Variants in SLC39A14 observed in about 807,000 individuals in gnomAD.
SLC39A14 encodes the protein solute carrier family 39 member 14, also known as metal cation symporter ZIP14.
Under a neutral mutation model 45.5 loss-of-function variants are expected in SLC39A14, and 19 were observed. The observed-to-expected ratio is 0.42, with a 90% CI of 0.29 to 0.61. The LOEUF (loss-of-function observed/expected upper bound fraction) is 0.61, where lower values mean the gene tolerates loss of function less well. Ranked by LOEUF, SLC39A14 falls within the 20% of genes least tolerant of loss-of-function variation. The pLI, the probability that SLC39A14 is intolerant of heterozygous loss-of-function variation, is 0.22. For missense variants in SLC39A14, 447 were observed against 616.5 expected (o/e 0.73, Z 2.91); for synonymous variants, 264 against 251.3 (o/e 1.05, Z -0.48).
chr8:22,427,720 T>C (rs564541284), downstream of SLC39A14, among the ~76,000 whole-genome samples: 2 of 152,314 alleles, frequency 1.3e-5, no homozygotes, highest in East Asian at 3.9e-4. Flanking sequence ...TCTGCAAATA[T>C]TGTAGGATTC....
intron 3 of SLC39A14, among the ~76,000 whole-genome samples, chr8:22,411,082 CT>C (rs1835540529): frequency 6.6e-6 from 1 of 152,194 alleles, no homozygotes; most frequent in Non-Finnish European, 1.5e-5. Context: ...CTGACAAACA[CT>C]TTGCAGGGGA....
intron 1 of SLC39A14, among the ~76,000 whole-genome samples, chr8:22,396,421 G>A (rs1586690312): frequency 0.038 from 21 of 554 alleles, 1 homozygote; most frequent in African/African-American, 0.068. Flanking sequence ...GAGGGGGGGG[G>A]GAGAGAGAGA....
chr8:22,423,873 G>T (rs1189303362), downstream of SLC39A14, among the ~76,000 whole-genome samples: 11 of 149,752 alleles, frequency 7.3e-5, no homozygotes, highest in African/African-American at 2.7e-4. Context: ...TATCTATCTA[G>T]AGAGAGAGAG....
chr8:22,416,919 C>T (rs144769078), intron 7 of SLC39A14, among the ~76,000 whole-genome samples: 2 of 152,220 alleles, frequency 1.3e-5, no homozygotes, highest in East Asian at 3.9e-4. Flanking sequence ...GAGGGACTTC[C>T]CATGTGCCAG....
intron 1 of SLC39A14, among the ~76,000 whole-genome samples, chr8:22,371,316 G>A (rs907561371): frequency 2.0e-5 from 3 of 150,372 alleles, no homozygotes; most frequent in Middle Eastern, 3.5e-3. Context: ...ATTTATTACC[G>A]CCGAGTTCCT....
At chr8:22,430,167 C>T (rs571324922) in intron 8 of SLC39A14, among the ~76,000 whole-genome samples, 1 of 152,246 alleles carries the variant, frequency 6.6e-6, no homozygotes, top group South Asian at 2.1e-4. Flanking sequence ...GAGATGGGGT[C>T]AGAGGTCACT....
At chr8:22,399,071 G>C (rs1834691262) in intron 1 of SLC39A14, among the ~76,000 whole-genome samples, 1 of 152,174 alleles carries the variant, frequency 6.6e-6, no homozygotes, top group African/African-American at 2.4e-5. Context: ...ACTTCGTTTT[G>C]TCTCCTTCCC....
intron 1 of SLC39A14, among the ~76,000 whole-genome samples, chr8:22,391,087 C>T (rs1278672103): frequency 6.6e-6 from 1 of 152,194 alleles, no homozygotes; most frequent in East Asian, 1.9e-4. Context: ...TAGGTAGCTC[C>T]TGGGACTTAG....
chr8:22,381,340 G>A (rs1833501262), intron 1 of SLC39A14, among the ~76,000 whole-genome samples: 1 of 151,282 alleles, frequency 6.6e-6, no homozygotes, highest in African/African-American at 2.4e-5. Flanking sequence ...GGTGGGGCTA[G>A]GCTCACGGCA....
intron 1 of SLC39A14, among the ~76,000 whole-genome samples, chr8:22,394,356 G>A (rs747496214): frequency 3.0e-5 from 4 of 131,278 alleles, no homozygotes; most frequent in African/African-American, 8.7e-5. Flanking sequence ...TTGGAATCTC[G>A]CTCTGTCACC....
chr8:22,371,545 G>A (rs929261077), intron 1 of SLC39A14, among the ~76,000 whole-genome samples: 1 of 141,202 alleles, frequency 7.1e-6, no homozygotes, highest in African/African-American at 2.6e-5. Flanking sequence ...GCAATTCTCT[G>A]CCCCAGCCTC....
chr8:22,413,604 G>C (rs1289717414), intron 4 of SLC39A14, among the ~76,000 whole-genome samples: 1 of 152,164 alleles, frequency 6.6e-6, no homozygotes, highest in Non-Finnish European at 1.5e-5. Context: ...AAACAGCCCA[G>C]AGTTCCTTGA....
At position 22,408,395 on chromosome 8, in the gene SLC39A14, C is replaced by T; in HGVS notation, c.356C>T (p.Pro119Leu). ...AGCAGCGAGCTCCAGGAGTTCTGCC[C>T]CACCATCCTCCAGCAGCTGGATTCC... ...IGSSELQEFC[P>L]TILQQLDSRA... Residue 119 changes from proline (P) to leucine (L), a missense_variant, in exon 3 of 9, where the codon CCC (proline) becomes CTC (leucine). Physicochemically the swap from Pro to Leu is moderately conservative, Grantham distance 98. Coordinates refer to ENST00000381237, the MANE Select transcript of SLC39A14 (RefSeq NM_001128431.4). The T allele has an allele frequency of 6.2e-7, 1 of 1,614,232 alleles. No homozygotes were observed. The highest frequency in any genetic ancestry group is 2.2e-5 in the East Asian group (1 of 44,884).
chr8:22,391,726 T>C (rs1325769894), intron 1 of SLC39A14, among the ~76,000 whole-genome samples: 1 of 152,102 alleles, frequency 6.6e-6, no homozygotes, highest in Non-Finnish European at 1.5e-5. Context: ...CCCGCCACCA[T>C]GCCCTGCTAA....
Position 22,421,545 on chromosome 8 carries a change from A to C in SLC39A14, c.*1847A>C. The C allele has an allele frequency of 1.0e-6, 1 of 985,562 alleles. No homozygotes were observed. The highest frequency in any genetic ancestry group is 1.2e-6 in the Non-Finnish European group (1 of 829,648). The allele number at this position is 985,562 out of a possible 1,614,324, so 61.1% of individuals were successfully genotyped here. A position where few individuals can be genotyped will look rare whatever the true frequency, so the allele number is the denominator to read the frequency against. On this transcript the variant is annotated 3_prime_UTR_variant, in exon 9 of 9. Transcript: ENST00000381237. ...AAGAACCAATTCCTTGAATGTTGGAATCTAACTTTTTATATTGTCATTATT... is the reference window on the plus strand; with the variant it reads ...AAGAACCAATTCCTTGAATGTTGGACTCTAACTTTTTATATTGTCATTATT...
chr8:22,371,671 T>C (rs564066189), intron 1 of SLC39A14, among the ~76,000 whole-genome samples: 45 of 151,616 alleles, frequency 3.0e-4, no homozygotes, highest in African/African-American at 1.0e-3. Context: ...GACCTCGTGA[T>C]CTACCCACCT....
chr8:22,389,971 T>G (rs1833978687), intron 1 of SLC39A14: 1 of 156,074 alleles, frequency 6.4e-6, no homozygotes, highest in Non-Finnish European at 1.4e-5. Flanking sequence ...CAGTTGAACC[T>G]AGGTATCTTT....
At chr8:22,433,861 A>G (rs1426983820) in intron 8 of SLC39A14, 4 of 313,576 alleles carry the variant, frequency 1.3e-5, no homozygotes, top group African/African-American at 2.3e-5. Context: ...GCACTCGGCC[A>G]TGTTTATGTT....
In SLC39A14 at chr8:22,412,208, T is replaced by A; in HGVS notation, c.627+2T>A. On this transcript the variant is annotated splice_donor_variant, in intron 4 of 8. Coordinates refer to ENST00000381237, the MANE Select transcript of SLC39A14 (RefSeq NM_001128431.4). LOFTEE classifies it high-confidence loss of function. ...GCCCTCTTCCAGCTCATCCCGGAGGTATGGCAAGCCAGGGCCTTCACCCCG... is the reference window on the plus strand; with the variant it reads ...GCCCTCTTCCAGCTCATCCCGGAGGAATGGCAAGCCAGGGCCTTCACCCCG... The A allele has an allele frequency of 6.4e-7, 1 of 1,551,396 alleles. No individual in the cohort carries two copies. Among genetic ancestry groups the A allele is most frequent in the South Asian group, 1.2e-5 (1 of 84,034 alleles).
Sources: gnomAD v4.1 joint callset for allele counts (sites outside exome capture counted in the v4.1 genomes callset) on GRCh38, gnomAD v4.1.1 for gene constraint, MANE v1.5 for transcripts, NCBI Gene and HGNC (gene_info 2026-07-23, HGNC 2026-07-21) for gene names.